SLC35F1: variants seen among roughly 807,000 people sequenced by gnomAD.
SLC35F1 encodes solute carrier family 35 member F1.
In SLC35F1, 14 loss-of-function variants were observed where a neutral mutation model predicts 48.7. The observed-to-expected ratio is 0.29, with a 90% confidence interval of 0.19 to 0.45. SLC35F1 has a LOEUF of 0.45. Ranked by LOEUF, SLC35F1 falls within the 20% of genes least tolerant of loss-of-function variation. The probability of loss-of-function intolerance (pLI) is 1.00; values close to 1 mark genes in which losing one functional copy is unlikely to be tolerated. For missense variants in SLC35F1, 404 were observed against 500.0 expected (o/e 0.81, Z 1.83); for synonymous variants, 190 against 202.2 (o/e 0.94, Z 0.51).
chr6:118,200,167 C>T (rs1236694229), intron 2 of SLC35F1, among the ~76,000 whole-genome samples: 1 of 142,540 alleles, frequency 7.0e-6, no homozygotes, highest in African/African-American at 2.8e-5. Flanking sequence ...TATATACATA[C>T]ATACATACAT....
chr6:118,108,701 T>G (rs1434131703), intron 1 of SLC35F1, among the ~76,000 whole-genome samples: 6 of 152,158 alleles, frequency 3.9e-5, no homozygotes, highest in Admixed American at 1.3e-4. Flanking sequence ...GGTTGGGGAA[T>G]TGTTTGGAGC....
intron 1 of SLC35F1, among the ~76,000 whole-genome samples, chr6:118,046,254 A>G (rs1772298260): frequency 6.6e-6 from 1 of 152,224 alleles, no homozygotes; most frequent in South Asian, 2.1e-4. Context: ...GCCCCTACTC[A>G]AAATTCAGTA....
chr6:118,220,296 G>C (rs1220061249), intron 2 of SLC35F1, among the ~76,000 whole-genome samples: 1 of 152,064 alleles, frequency 6.6e-6, no homozygotes, highest in African/African-American at 2.4e-5. Flanking sequence ...AGTCAATGTG[G>C]GTCAAATTGA....
chr6:117,949,267 C>T (rs1217861993), intron 1 of SLC35F1, among the ~76,000 whole-genome samples: 2 of 152,038 alleles, frequency 1.3e-5, no homozygotes, highest in Admixed American at 6.6e-5. Flanking sequence ...AGCTGTAATA[C>T]GTTGTGCTTC....
intron 1 of SLC35F1, among the ~76,000 whole-genome samples, chr6:118,138,121 C>T (rs532067040): frequency 2.2e-4 from 33 of 151,820 alleles, no homozygotes; most frequent in Non-Finnish European, 2.8e-4. Context: ...CCAGCCTGGG[C>T]GACATAGCAA....
At chr6:118,029,456 G>A (rs1405108019) in intron 1 of SLC35F1, among the ~76,000 whole-genome samples, 1 of 152,104 alleles carries the variant, frequency 6.6e-6, no homozygotes, top group African/African-American at 2.4e-5. Context: ...ATAAGTTATT[G>A]TTGTTAATCT....
chr6:118,053,079 GA>G (rs201602105), intron 1 of SLC35F1, among the ~76,000 whole-genome samples: 32 of 146,920 alleles, frequency 2.2e-4, no homozygotes, highest in African/African-American at 5.7e-4. Context: ...GCCTCATTTT[GA>G]AAAAAAAAAA....
intron 7 of SLC35F1, among the ~76,000 whole-genome samples, chr6:118,300,927 G>T (rs1776248331): frequency 6.6e-6 from 1 of 152,198 alleles, no homozygotes; most frequent in South Asian, 2.1e-4. Flanking sequence ...GCTTCCTTCT[G>T]GATGCTCATG....
chr6:117,955,732 T>C (rs951259511), intron 1 of SLC35F1, among the ~76,000 whole-genome samples: 1 of 152,222 alleles, frequency 6.6e-6, no homozygotes, highest in Non-Finnish European at 1.5e-5. Flanking sequence ...AGTGTGATCT[T>C]GCTTCAGTCT....
chr6:118,191,087 G>A lies in SLC35F1; in HGVS notation c.349+36467G>A, dbSNP rs571661780. 3.3e-5 allele frequency among the ~76,000 whole-genome samples: 5 copies of A among 152,170 alleles called. No homozygotes were observed. The South Asian group carries it at 1.0e-3, about 32-fold the overall frequency. On this transcript the variant is annotated intron_variant, in intron 2 of 7. Coordinates refer to ENST00000360388, the MANE Select transcript of SLC35F1 (RefSeq NM_001029858.4). ...ACCATGGAAAAAGGACCTAAAACAC[G>A]ATGCCCTTCTAGAAGAGTAAAGGCC...
In SLC35F1 at chr6:117,991,301, T is replaced by TA. The variant is rs979327544; in HGVS notation, c.173+83403dup. ...TTGAAGTTCTTTCAGAAAAAAAAAATACTGCCTCTGCTCTGCTGGTGCCCT... is the reference window on the plus strand; with the variant it reads ...TTGAAGTTCTTTCAGAAAAAAAAAATAACTGCCTCTGCTCTGCTGGTGCCCT... On this transcript the variant is annotated intron_variant, in intron 1 of 7. Coordinates refer to ENST00000360388, the MANE Select transcript of SLC35F1 (RefSeq NM_001029858.4). Among the ~76,000 whole-genome samples the TA allele has an allele frequency of 9.9e-5, 15 of 152,028 alleles. No individual in the cohort carries two copies. In the South Asian group the frequency reaches 1.5e-3, roughly 15 times the overall value.
intron 1 of SLC35F1, among the ~76,000 whole-genome samples, chr6:118,148,842 A>G (rs1006676640): frequency 3.9e-5 from 6 of 152,184 alleles, no homozygotes; most frequent in Non-Finnish European, 7.3e-5. Context: ...AGCACCAGAA[A>G]ATAGCTTATT....
intron 1 of SLC35F1, among the ~76,000 whole-genome samples, chr6:118,134,709 G>A (rs771017140): frequency 6.6e-6 from 1 of 152,172 alleles, no homozygotes; most frequent in Non-Finnish European, 1.5e-5. Flanking sequence ...GGGGCATGGA[G>A]CCAGGGACAA....
chr6:117,909,498 A>T lies in SLC35F1; in HGVS notation c.173+1599A>T, dbSNP rs185378107. 1.0e-3 allele frequency among the ~76,000 whole-genome samples: 159 copies of T among 152,302 alleles called. 6 individuals carry two copies. The East Asian group carries it at 0.026, about 25-fold the overall frequency. On this transcript the variant is annotated intron_variant, in intron 1 of 7. Transcript: ENST00000360388. The stretch of plus-strand genomic sequence containing the variant: ...GAATCATAGAGCCCAGAAAAACAAG[A>T]TCACTGAGGTAGGAGTGAGGGGTAT...
At chr6:118,159,660 G>C (rs1419757133) in intron 2 of SLC35F1, among the ~76,000 whole-genome samples, 1 of 152,084 alleles carries the variant, frequency 6.6e-6, no homozygotes, top group African/African-American at 2.4e-5. Context: ...GACAGACTGG[G>C]GTCCAATGAA....
chr6:118,141,577 T>C (rs1312103760), intron 1 of SLC35F1, among the ~76,000 whole-genome samples: 1 of 152,168 alleles, frequency 6.6e-6, no homozygotes, highest in Non-Finnish European at 1.5e-5. Flanking sequence ...GCCCCCTTCC[T>C]GGTTGCAGAC....
At chr6:118,222,247 C>T (rs1397336108) in intron 2 of SLC35F1, among the ~76,000 whole-genome samples, 7 of 152,096 alleles carry the variant, frequency 4.6e-5, no homozygotes, top group Admixed American at 3.3e-4. Context: ...TGCTGCCATT[C>T]GACAGACCAA....
At chr6:118,256,208 GTGTGTGTGT>G (rs1775641930) in intron 3 of SLC35F1, among the ~76,000 whole-genome samples, 63 of 14,196 alleles carry the variant, frequency 4.4e-3, no homozygotes, top group Admixed American at 8.9e-3. Context: ...GACTTCTGGT[GTGTGTGTGT>G]GTGTGTGTGT....
At chr6:118,251,825 C>A (rs1002241429) in intron 3 of SLC35F1, among the ~76,000 whole-genome samples, 9 of 152,060 alleles carry the variant, frequency 5.9e-5, no homozygotes, top group Admixed American at 3.9e-4. Flanking sequence ...TATACACTTT[C>A]CCATGGGCAA....
Sources: gnomAD v4.1 joint callset for allele counts (sites outside exome capture counted in the v4.1 genomes callset) on GRCh38, gnomAD v4.1.1 for gene constraint, MANE v1.5 for transcripts, NCBI Gene and HGNC (gene_info 2026-07-23, HGNC 2026-07-21) for gene names.